PLPP1: variants seen among roughly 807,000 people sequenced by gnomAD.
PLPP1 encodes lipid phosphate phosphohydrolase 1a.
Under a neutral mutation model 31.2 loss-of-function variants are expected in PLPP1, and 24 were observed. That is an observed-to-expected ratio of 0.77 (90% CI 0.56 to 1.08). PLPP1 has a LOEUF of 1.08. Among genes scored for constraint, PLPP1 ranks in the 50% least tolerant of loss-of-function variants. PLPP1 has a pLI of 0.00. For missense variants in PLPP1, 319 were observed against 342.7 expected (o/e 0.93, Z 0.55); for synonymous variants, 146 against 126.3 (o/e 1.16, Z -1.05).
intron 3 of PLPP1, among the ~76,000 whole-genome samples, chr5:55,447,074 T>C (rs577492401): frequency 9.2e-5 from 14 of 152,372 alleles, no homozygotes; most frequent in Non-Finnish European, 1.8e-4. Flanking sequence ...GATGTGTATA[T>C]ATAATTTAAG....
chr5:55,477,890 G>A (rs1007827808), intron 1 of PLPP1, among the ~76,000 whole-genome samples: 7 of 151,668 alleles, frequency 4.6e-5, no homozygotes, highest in Non-Finnish European at 1.0e-4. Flanking sequence ...TGAGGCAGGA[G>A]AATCACTTGA....
At chr5:55,477,813 A>G (rs959842106) in intron 1 of PLPP1, among the ~76,000 whole-genome samples, 1 of 152,076 alleles carries the variant, frequency 6.6e-6, no homozygotes, top group Non-Finnish European at 1.5e-5. Flanking sequence ...GGAATAGTAT[A>G]TTTAGTATAG....
At chr5:55,449,941 C>T (rs1301921145) in intron 3 of PLPP1, among the ~76,000 whole-genome samples, 1 of 151,730 alleles carries the variant, frequency 6.6e-6, no homozygotes, top group African/African-American at 2.4e-5. Flanking sequence ...ATAAAACGGT[C>T]CCCACCAAAA....
chr5:55,488,529 C>G (rs1752821541), intron 1 of PLPP1, among the ~76,000 whole-genome samples: 1 of 151,916 alleles, frequency 6.6e-6, no homozygotes, highest in Non-Finnish European at 1.5e-5. Context: ...GCCTGTAGTC[C>G]CAGCTACTCG....
intron 1 of PLPP1, among the ~76,000 whole-genome samples, chr5:55,527,171 GT>G (rs922079875): frequency 4.6e-5 from 7 of 152,218 alleles, no homozygotes; most frequent in South Asian, 2.1e-4. Context: ...CAAAATACTT[GT>G]TTTTTCCCCC....
At chr5:55,501,990 T>C (rs1466335551) in intron 1 of PLPP1, among the ~76,000 whole-genome samples, 1 of 152,232 alleles carries the variant, frequency 6.6e-6, no homozygotes, top group Non-Finnish European at 1.5e-5. Flanking sequence ...CTCAGGCAGA[T>C]CATTATAAAA....
chr5:55,427,094 A>T (rs1751219507), intron 4 of PLPP1, among the ~76,000 whole-genome samples: 1 of 152,054 alleles, frequency 6.6e-6, no homozygotes. Flanking sequence ...CATTAAAAAA[A>T]AAAAAAAAAA....
At chr5:55,465,231 G>A (rs1427636705) in intron 3 of PLPP1, among the ~76,000 whole-genome samples, 3 of 152,050 alleles carry the variant, frequency 2.0e-5, no homozygotes, top group Non-Finnish European at 2.9e-5. Flanking sequence ...TTTTAGTAGA[G>A]ACAGGGTTTC....
chr5:55,487,108 C>T (rs1752790705), intron 1 of PLPP1, among the ~76,000 whole-genome samples: 1 of 152,156 alleles, frequency 6.6e-6, no homozygotes, highest in African/African-American at 2.4e-5. Flanking sequence ...AGAAAAGCAA[C>T]TACTTACAGT....
At chr5:55,457,666 A>G (rs1197106746) in intron 3 of PLPP1, among the ~76,000 whole-genome samples, 14 of 152,150 alleles carry the variant, frequency 9.2e-5, no homozygotes, top group Admixed American at 4.6e-4. Context: ...CAAGGTGGGC[A>G]GATCACAAGG....
chr5:55,506,386 TAC>T (rs1434347567), intron 1 of PLPP1, among the ~76,000 whole-genome samples: 1 of 152,038 alleles, frequency 6.6e-6, no homozygotes, highest in Non-Finnish European at 1.5e-5. Context: ...AATCCAGTAT[TAC>T]ACAGTTGGTA....
intron 1 of PLPP1, among the ~76,000 whole-genome samples, chr5:55,508,382 T>C (rs561147227): frequency 1.3e-5 from 2 of 152,334 alleles, no homozygotes; most frequent in South Asian, 4.1e-4. Context: ...TTTATTTTCA[T>C]TTAATTCTCA....
intron 1 of PLPP1, chr5:55,530,652 TTCC>T (rs1740629925): frequency 2.5e-6 from 4 of 1,596,112 alleles, no homozygotes; most frequent in Non-Finnish European, 3.4e-6. Flanking sequence ...ACCAGAAAAC[TTCC>T]TCATTATATT....
chr5:55,493,908 T>C (rs1379594116), intron 1 of PLPP1, among the ~76,000 whole-genome samples: 2 of 149,432 alleles, frequency 1.3e-5, no homozygotes, highest in African/African-American at 2.5e-5. Context: ...TAGCTGGTCA[T>C]AGTGGCACAC....
intron 5 of PLPP1, 124 bp downstream of exon 5, chr5:55,425,739 A>G: frequency 1.1e-6 from 1 of 897,270 alleles, no homozygotes; most frequent in South Asian, 2.5e-5. Flanking sequence ...TTTTAATAAC[A>G]TTGAGATTCT....
At chr5:55,444,948 C>T (rs1375273217) in intron 3 of PLPP1, among the ~76,000 whole-genome samples, 1 of 152,124 alleles carries the variant, frequency 6.6e-6, no homozygotes, top group Admixed American at 6.5e-5. Flanking sequence ...TGGGGTTTCG[C>T]CCTGTTGGCC....
chr5:55,443,212 T>TATATATATATATATATATATATATACAC (rs1169152710), intron 3 of PLPP1, among the ~76,000 whole-genome samples: 1 of 105,002 alleles, frequency 9.5e-6, no homozygotes, highest in Non-Finnish European at 1.8e-5. Context: ...TATATATATA[T>TATATATATATATATATATATATATACAC]ACACACACAC....
At chr5:55,473,726 T>C (rs1380297808) in intron 2 of PLPP1, among the ~76,000 whole-genome samples, 1 of 152,060 alleles carries the variant, frequency 6.6e-6, no homozygotes, top group Non-Finnish European at 1.5e-5. Context: ...GGTGCAATCA[T>C]GGCTCACTGC....
rs111230100 is a variant in PLPP1, at chr5:55,525,870, G to T, written c.58+8702C>A. 5.6e-3 allele frequency among the ~76,000 whole-genome samples: 832 copies of T among 149,690 alleles called. 4 individuals carry two copies. The highest frequency in any genetic ancestry group is 0.02 in the African/African-American group (800 of 40,888). On this transcript the variant is annotated intron_variant, in intron 1 of 5. Transcript: ENST00000307259. Reference sequence around the variant, plus strand: ...CTGGATGGCAAATGCTTTTTTTTTTGAAAAGAAGAGACAAGACAGTATCTC... The same window carrying T: ...CTGGATGGCAAATGCTTTTTTTTTTTAAAAGAAGAGACAAGACAGTATCTC...
Sources: allele counts gnomAD v4.1 joint callset (sites outside exome capture counted in the v4.1 genomes callset), GRCh38; gene constraint gnomAD v4.1.1; transcripts MANE v1.5; gene names NCBI Gene and HGNC (gene_info 2026-07-23, HGNC 2026-07-21).